Variants in ARID1B observed in about 807,000 individuals in gnomAD.
ARID1B encodes the protein AT-rich interactive domain-containing protein 1B.
In ARID1B, 30 loss-of-function variants were observed where a neutral mutation model predicts 212.3. The ratio of observed to expected loss-of-function variants is 0.14; its 90% confidence interval spans 0.11 to 0.19. The LOEUF (loss-of-function observed/expected upper bound fraction) is 0.19, where lower values mean the gene tolerates loss of function less well. Among genes scored for constraint, ARID1B ranks in the 10% least tolerant of loss-of-function variants. The pLI, the probability that ARID1B is intolerant of heterozygous loss-of-function variation, is 1.00. For synonymous variants in ARID1B, 1,402 were observed against 1,301.7 expected (o/e 1.08, Z -1.66); for missense variants, 2,891 against 3,204.0 (o/e 0.90, Z 2.36).
chr6:157,075,079 G>A (rs1270961053), intron 4 of ARID1B, among the ~76,000 whole-genome samples: 1 of 152,082 alleles, frequency 6.6e-6, no homozygotes, highest in Non-Finnish European at 1.5e-5. Flanking sequence ...ATATGCTCTT[G>A]GAAAAAATTA....
chr6:156,996,188 A>G (rs1457332621), intron 4 of ARID1B, among the ~76,000 whole-genome samples: 2 of 152,214 alleles, frequency 1.3e-5, no homozygotes, highest in Non-Finnish European at 2.9e-5. Context: ...AATCTAAGCC[A>G]CAGGCTGGAT....
chr6:156,908,435 T>G (rs1320144280), intron 3 of ARID1B, among the ~76,000 whole-genome samples: 1 of 152,222 alleles, frequency 6.6e-6, no homozygotes, highest in African/African-American at 2.4e-5. Flanking sequence ...TTATTCTTGA[T>G]AAAACCATTT....
In ARID1B at chr6:156,778,946, G is replaced by GGCGGCGGCGGCC. The variant is rs763063242; in HGVS notation, c.1278_1289dup (p.Ala430_Ala433dup). ...CAGGAGGAGCAGGAGCGGGAGCTGT[G>GGCGGCGGCGGCC]GCGGCGGCGGCCGCGGCGGCGGCGG... On this transcript the variant is annotated inframe_insertion, in exon 1 of 20. Coordinates refer to ENST00000636930, the MANE Select transcript of ARID1B (RefSeq NM_001374828.1). The GGCGGCGGCGGCC allele has an allele frequency of 2.3e-6, 3 of 1,293,566 alleles. No individual in the cohort carries two copies. The highest frequency in any genetic ancestry group is 2.9e-6 in the Non-Finnish European group (3 of 1,029,506). The allele number at this position is 1,293,566 out of a possible 1,614,324, so 80.1% of individuals were successfully genotyped here.
At chr6:157,001,965 G>A (rs2128430597) in intron 4 of ARID1B, among the ~76,000 whole-genome samples, 1 of 152,364 alleles carries the variant, frequency 6.6e-6, no homozygotes, top group Non-Finnish European at 1.5e-5. Flanking sequence ...TCGTATTATT[G>A]AGAAGGCGTG....
At chr6:156,968,970 G>A (rs944798695) in intron 4 of ARID1B, among the ~76,000 whole-genome samples, 1 of 152,236 alleles carries the variant, frequency 6.6e-6, no homozygotes, top group Non-Finnish European at 1.5e-5. Flanking sequence ...AGGTGGAGAG[G>A]TGGCCCCAGG....
chr6:157,138,628 C>G (rs1193832634), intron 7 of ARID1B, among the ~76,000 whole-genome samples: 2 of 152,148 alleles, frequency 1.3e-5, no homozygotes, highest in Non-Finnish European at 2.9e-5. Context: ...AAGACTTCCC[C>G]TGGATGGTGA....
rs977941470 is a variant in ARID1B, at chr6:157,207,960, C to G, written c.*69C>G. 11 of 1,401,350 alleles carry G rather than the reference C, an allele frequency of 7.8e-6. No homozygotes were observed. The highest frequency in any genetic ancestry group is 1.0e-5 in the Non-Finnish European group (11 of 1,073,052). 86.8% of individuals were successfully genotyped at this position (1,401,350 alleles called of 1,614,324 possible). On this transcript the variant is annotated 3_prime_UTR_variant, in exon 20 of 20. Transcript: ENST00000636930. The surrounding 1 kb of genome is among the most constrained non-coding windows in gnomAD (Gnocchi z 8.5). ...CACATATAACTGGCTGTTTTCTGTT[C>G]TTGTTTATCCAGCGTAGGAAGAAGG... is the stretch of plus-strand genomic sequence containing the variant.
chr6:156,815,917 TA>T (rs1781932784), intron 1 of ARID1B, among the ~76,000 whole-genome samples: 1 of 152,224 alleles, frequency 6.6e-6, no homozygotes, highest in Non-Finnish European at 1.5e-5. Flanking sequence ...TGTTCTGCTT[TA>T]AAAAACATTG....
intron 1 of ARID1B, among the ~76,000 whole-genome samples, chr6:156,814,352 A>G (rs1180296340): frequency 6.6e-6 from 1 of 152,128 alleles, no homozygotes; most frequent in Non-Finnish European, 1.5e-5. Flanking sequence ...CGGGTAAGCC[A>G]TGATTGCCAC....
At chr6:156,819,708 T>A (rs6914855) in intron 1 of ARID1B, among the ~76,000 whole-genome samples, 38,877 of 152,054 alleles carry the variant, frequency 0.26, 5,118 homozygotes, top group Non-Finnish European at 0.29. Context: ...CAGTCTAGGC[T>A]GGGGGACAGA....
rs904716274 is a variant in ARID1B, at chr6:157,200,388, G to A, written c.4480-317G>A. On this transcript the variant is annotated intron_variant, in intron 17 of 19. Coordinates refer to ENST00000636930, the MANE Select transcript of ARID1B (RefSeq NM_001374828.1). This position sits in a 1 kb window ranked among gnomAD's most constrained non-coding sequence, Gnocchi z 4.3. ...GTGGTCCTAGTGCAGCTCCCAGCCC[G>A]GGAGCCGTCTGCCTGTGTGGGAGTT... is the stretch of plus-strand genomic sequence containing the variant. 2.0e-5 allele frequency among the ~76,000 whole-genome samples: 3 copies of A among 152,004 alleles called. No individual in the cohort carries two copies. The highest frequency in any genetic ancestry group is 4.8e-5 in the African/African-American group (2 of 41,392).
At chr6:157,109,829 G>A (rs1786770194) in intron 5 of ARID1B, among the ~76,000 whole-genome samples, 1 of 152,014 alleles carries the variant, frequency 6.6e-6, no homozygotes, top group African/African-American at 2.4e-5. Flanking sequence ...CATTATATTT[G>A]GAAAAGACAA....
Position 157,201,401 on chromosome 6 carries a change from A to G in ARID1B, c.5176A>G (p.Arg1726Gly). 1 of 1,590,706 alleles carries G rather than the reference A, an allele frequency of 6.3e-7. No individual in the cohort carries two copies. Among genetic ancestry groups the G allele is most frequent in the South Asian group, 1.1e-5 (1 of 88,190 alleles). Residue 1726 changes from arginine to glycine, a missense_variant, in exon 18 of 20, where the codon AGA becomes GGA. Arg to Gly is a moderately radical substitution (Grantham distance 125). Transcript: ENST00000636930. The surrounding 1 kb of genome is among the most constrained non-coding windows in gnomAD (Gnocchi z 5.2). ...TGPPPQPPPIRREITFPPGSV... is the reference protein window; with the variant it reads ...TGPPPQPPPIGREITFPPGSV... Reference sequence around the variant, plus strand: ...GCCACCACCCCAACCACCCCCAATCAGAAGGGAGATCACCTTTCCTCCTGG... The same window carrying G: ...GCCACCACCCCAACCACCCCCAATCGGAAGGGAGATCACCTTTCCTCCTGG...
At chr6:156,885,586 G>A (rs1036634139) in intron 2 of ARID1B, among the ~76,000 whole-genome samples, 2 of 151,962 alleles carry the variant, frequency 1.3e-5, no homozygotes, top group African/African-American at 2.4e-5. Flanking sequence ...GGGTCTACTT[G>A]GTACATGTTC....
rs962839788 is a variant in ARID1B, at chr6:157,008,402, C to A, written c.2247+72826C>A. On this transcript the variant is annotated intron_variant, in intron 4 of 19. Coordinates refer to ENST00000636930, the MANE Select transcript of ARID1B (RefSeq NM_001374828.1). ...ACTCTAGGGACCTCCTGTAATCTTT[C>A]CCTTTTAACCTCCATGCTGCTAAGT... Among the ~76,000 whole-genome samples, 4 of 152,182 alleles carry A rather than the reference C, an allele frequency of 2.6e-5. No homozygotes were observed. In the East Asian group the frequency reaches 7.7e-4, roughly 29 times the overall value.
chr6:156,852,823 C>G (rs1378817804), intron 2 of ARID1B, among the ~76,000 whole-genome samples: 1 of 152,190 alleles, frequency 6.6e-6, no homozygotes, highest in Non-Finnish European at 1.5e-5. Flanking sequence ...GTAGGAGCCT[C>G]TCGTTTCATG....
intron 4 of ARID1B, among the ~76,000 whole-genome samples, chr6:157,080,987 G>T (rs1249424801): frequency 1.3e-5 from 2 of 152,178 alleles, no homozygotes; most frequent in Non-Finnish European, 2.9e-5. Context: ...TTAATAGCAA[G>T]ATTTCACCAA....
At chr6:157,041,671 C>G (rs1004199293) in intron 4 of ARID1B, among the ~76,000 whole-genome samples, 1 of 152,162 alleles carries the variant, frequency 6.6e-6, no homozygotes, top group Non-Finnish European at 1.5e-5. Context: ...AACTCAGAGT[C>G]TAGAACTTGC....
intron 4 of ARID1B, chr6:156,938,293 T>C (rs1792416891): frequency 6.6e-6 from 1 of 152,202 alleles, no homozygotes; most frequent in South Asian, 2.1e-4. Flanking sequence ...TATTTTACAA[T>C]GTTACTTTTA....
Sources: allele counts gnomAD v4.1 joint callset (sites outside exome capture counted in the v4.1 genomes callset), GRCh38; gene constraint gnomAD v4.1.1; non-coding constraint Gnocchi (gnomAD v3.1); transcripts MANE v1.5; gene names NCBI Gene and HGNC (gene_info 2026-07-23, HGNC 2026-07-21).